Variants in ARMC7 observed in about 807,000 individuals in gnomAD.
The protein encoded by ARMC7 is armadillo repeat-containing protein 7.
In ARMC7, 9 loss-of-function variants were observed where a neutral mutation model predicts 14.8. The observed-to-expected ratio is 0.61, with a 90% CI of 0.37 to 1.06. The LOEUF is 1.06. ARMC7 is among the 50% of genes least tolerant of loss of function. ARMC7 has a pLI of 0.01. For missense variants in ARMC7, 262 were observed against 267.1 expected (o/e 0.98, Z 0.13); for synonymous variants, 125 against 123.4 (o/e 1.01, Z -0.09).
At chr17:75,128,627 G>A (rs1450941410) in intron 2 of ARMC7, 50 bp from the exon 3 acceptor site, 2 of 1,563,176 alleles carry the variant, frequency 1.3e-6, no homozygotes, top group African/African-American at 1.4e-5. Flanking sequence ...AGGGGAGGTG[G>A]GAGGAGGCCC....
chr17:75,110,815 C>T (rs1454348461), intron 2 of ARMC7, among the ~76,000 whole-genome samples: 2 of 151,774 alleles, frequency 1.3e-5, no homozygotes, highest in East Asian at 3.9e-4. Context: ...ATTAGCTAGA[C>T]GTGGTGGAGA....
Position 75,123,232 on chromosome 17 carries a change from T to C in ARMC7, c.236-5445T>C, listed in dbSNP as rs934458111. Among the ~76,000 whole-genome samples, 20 of 146,768 alleles carry C rather than the reference T, an allele frequency of 1.4e-4. 1 individual carries two copies. The East Asian group carries it at 2.8e-3, about 21-fold the overall frequency. ...TTTTTTTTTTTTTTTTTTTACTTAGTAGAGACGGGGTTTCACTATGTTGGC... is the reference window on the plus strand; with the variant it reads ...TTTTTTTTTTTTTTTTTTTACTTAGCAGAGACGGGGTTTCACTATGTTGGC... On this transcript the variant is annotated intron_variant, in intron 2 of 2. Coordinates refer to ENST00000245543, the MANE Select transcript of ARMC7 (RefSeq NM_024585.4).
Position 75,119,875 on chromosome 17 carries a change from G to GC in ARMC7, c.236-8800dup, listed in dbSNP as rs1227701444. Among the ~76,000 whole-genome samples, 2 of 151,978 alleles carry GC rather than the reference G, an allele frequency of 1.3e-5. 1 individual carries two copies. Among genetic ancestry groups the GC allele is most frequent in the Admixed American group, 1.3e-4 (2 of 15,226 alleles). ...CCTGCCCAGCCACCAGGTGCCAGGT[G>GC]CCAGCTAAGCACTTGTCAGAAGCAT... On this transcript the variant is annotated intron_variant, in intron 2 of 2. Transcript: ENST00000245543.
chr17:75,124,909 A>G (rs2074040364), intron 2 of ARMC7, among the ~76,000 whole-genome samples: 1 of 152,232 alleles, frequency 6.6e-6, no homozygotes, highest in African/African-American at 2.4e-5. Context: ...GCCCTGCCTT[A>G]TAGCTCCTGG....
Position 75,110,210 on chromosome 17 carries a change from G to A in ARMC7, c.-79G>A. On this transcript the variant is annotated 5_prime_UTR_variant, in exon 1 of 3. In the 5' UTR this introduces an upstream ATG that the reference lacks. Coordinates refer to ENST00000245543, the MANE Select transcript of ARMC7 (RefSeq NM_024585.4). ...CCCTCTCCAGACAGGTGGAGAGCGG[G>A]TGAGGGTCTCGCTCGGCTTTCCCCC... The A allele has an allele frequency of 7.3e-7, 1 of 1,366,278 alleles. No individual in the cohort carries two copies. The highest frequency in any genetic ancestry group is 9.8e-7 in the Non-Finnish European group (1 of 1,015,264). 84.6% of individuals were successfully genotyped at this position (1,366,278 alleles called of 1,614,324 possible).
intron 2 of ARMC7, among the ~76,000 whole-genome samples, chr17:75,115,367 C>T (rs902495480): frequency 1.3e-5 from 2 of 152,114 alleles, no homozygotes; most frequent in African/African-American, 4.8e-5. Context: ...TGGCAAAACC[C>T]CGTCTCTACT....
intron 2 of ARMC7, among the ~76,000 whole-genome samples, chr17:75,120,369 T>G (rs892976760): frequency 6.6e-6 from 1 of 152,202 alleles, no homozygotes; most frequent in Non-Finnish European, 1.5e-5. Context: ...TTTCCTCTTT[T>G]GCCTCTCCAG....
chr17:75,126,648 C>T (rs1299087873), intron 2 of ARMC7, among the ~76,000 whole-genome samples: 1 of 151,182 alleles, frequency 6.6e-6, no homozygotes, highest in Non-Finnish European at 1.5e-5. Flanking sequence ...ATGGCGCAAT[C>T]TCAGCTCATT....
chr17:75,110,953 CAAAAAAAAAAAAA>C (rs537195116), intron 2 of ARMC7, among the ~76,000 whole-genome samples: 2 of 49,794 alleles, frequency 4.0e-5, no homozygotes, highest in African/African-American at 1.5e-4. Flanking sequence ...GACCCCGTCT[CAAAAAAAAAAAAA>C]AAAAAAAAAA....
chr17:75,121,838 CTT>C (rs1568017723), intron 2 of ARMC7, among the ~76,000 whole-genome samples: 1 of 151,856 alleles, frequency 6.6e-6, no homozygotes, highest in Non-Finnish European at 1.5e-5. Context: ...GCAAAGAAGA[CTT>C]TGTTTAAGTC....
At chr17:75,120,564 C>T (rs2074006447) in intron 2 of ARMC7, among the ~76,000 whole-genome samples, 1 of 152,050 alleles carries the variant, frequency 6.6e-6, no homozygotes, top group Non-Finnish European at 1.5e-5. Flanking sequence ...CCTGTAATCC[C>T]AGCACTTTGG....
intron 2 of ARMC7, among the ~76,000 whole-genome samples, chr17:75,115,063 A>G (rs753097869): frequency 3.3e-5 from 5 of 152,076 alleles, no homozygotes; most frequent in African/African-American, 7.2e-5. Flanking sequence ...TTCTGTCTGC[A>G]TGGTTTGAGT....
chr17:75,124,515 C>T (rs1202713083), intron 2 of ARMC7, among the ~76,000 whole-genome samples: 1 of 152,226 alleles, frequency 6.6e-6, no homozygotes, highest in Non-Finnish European at 1.5e-5. Context: ...AATCCCATCA[C>T]CCCACCCGCA....
chr17:75,112,573 C>CTTTTTTTTTTTTTTTTT (rs549730217), intron 2 of ARMC7, among the ~76,000 whole-genome samples: 1 of 100,458 alleles, frequency 1.0e-5, no homozygotes. Flanking sequence ...TTCTCTTTTT[C>CTTTTTTTTTTTTTTTTT]TTTTTTTTTT....
chr17:75,128,008 T>C (rs2074064417), intron 2 of ARMC7, among the ~76,000 whole-genome samples: 1 of 152,228 alleles, frequency 6.6e-6, no homozygotes, highest in Non-Finnish European at 1.5e-5. Context: ...GAAACCATCA[T>C]CTTATATTTT....
chr17:75,115,955 T>C (rs2073970065), intron 2 of ARMC7, among the ~76,000 whole-genome samples: 3 of 152,140 alleles, frequency 2.0e-5, no homozygotes, highest in Admixed American at 1.3e-4. Flanking sequence ...CCAAAACCCT[T>C]TGAGGGTGAG....
intron 2 of ARMC7, among the ~76,000 whole-genome samples, chr17:75,112,437 C>T (rs972621087): frequency 2.6e-5 from 4 of 152,096 alleles, no homozygotes; most frequent in South Asian, 2.1e-4. Context: ...CCAACACGCG[C>T]GTAGTCACCT....
chr17:75,110,572 G>T lies in ARMC7; in HGVS notation c.201G>T (p.Ser67=). 1 of 1,613,830 alleles carries T rather than the reference G, an allele frequency of 6.2e-7. No individual in the cohort carries two copies. The highest frequency in any genetic ancestry group is 8.5e-7 in the Non-Finnish European group (1 of 1,179,846). ...QVLDLFLDSL[S]EENETLVEFA... is the part of the protein sequence containing the mutation. ...TGGATTTATTTCTCGATTCGCTGTC[G>T]GAGGAGAATGAGACCCTGGTGGAGT... Residue 67 remains serine, a synonymous_variant, in exon 2 of 3, where the codon TCG becomes TCT. Transcript: ENST00000245543.
chr17:75,126,730 C>T (rs1257671989), intron 2 of ARMC7, among the ~76,000 whole-genome samples: 1 of 151,850 alleles, frequency 6.6e-6, no homozygotes, highest in Non-Finnish European at 1.5e-5. Flanking sequence ...TATAGGTGTG[C>T]TCAACCATGC....
Sources: allele counts gnomAD v4.1 joint callset (sites outside exome capture counted in the v4.1 genomes callset), GRCh38; gene constraint gnomAD v4.1.1; transcripts MANE v1.5; gene names NCBI Gene and HGNC (gene_info 2026-07-23, HGNC 2026-07-21).